NRXN1: variants seen among roughly 807,000 people sequenced by gnomAD.
The protein encoded by NRXN1 is neurexin-1.
NRXN1 carries 39 observed loss-of-function variants against 150.9 expected under a neutral mutation model. That is an observed-to-expected ratio of 0.26 (90% CI 0.20 to 0.34). The LOEUF (loss-of-function observed/expected upper bound fraction) is 0.34, where lower values mean the gene tolerates loss of function less well. Among genes scored for constraint, NRXN1 ranks in the 10% least tolerant of loss-of-function variants. NRXN1 has a pLI of 1.00. For synonymous variants in NRXN1, 924 were observed against 757.0 expected, an observed-to-expected ratio of 1.22 and a Z score of -3.62; for missense variants, 1,815 against 1,949.9, an observed-to-expected ratio of 0.93 and a Z score of 1.30.
chr2:51,028,279 G>C lies in NRXN1; in HGVS notation c.-6C>G. 1 of 1,435,010 alleles carries C rather than the reference G, an allele frequency of 7.0e-7. No individual in the cohort carries two copies. Among genetic ancestry groups the C allele is most frequent in the Middle Eastern group, 2.1e-4 (1 of 4,798 alleles). 88.9% of individuals were successfully genotyped at this position (1,435,010 alleles called of 1,614,324 possible). On this transcript the variant is annotated 5_prime_UTR_variant, in exon 2 of 23. Transcript: ENST00000401669. ...TGGAGCAGCGCCGTCCCCATGCTCGGGGCTGGGGTGCGGCGGGGGGGTGCC... is the reference window on the plus strand; with the variant it reads ...TGGAGCAGCGCCGTCCCCATGCTCGCGGCTGGGGTGCGGCGGGGGGGTGCC...
At chr2:50,735,600 T>C (rs1265438095) in intron 5 of NRXN1, among the ~76,000 whole-genome samples, 2 of 152,178 alleles carry the variant, frequency 1.3e-5, no homozygotes, top group African/African-American at 4.8e-5. Context: ...ATTGTTTGTC[T>C]TTTCTTTGCC....
At chr2:50,039,130 T>C (rs1690518519) in intron 21 of NRXN1, among the ~76,000 whole-genome samples, 1 of 151,666 alleles carries the variant, frequency 6.6e-6, no homozygotes, top group East Asian at 1.9e-4. Context: ...TGAGCTGAGA[T>C]TGCCCCACTG....
rs1252199189 is a variant in NRXN1, at chr2:50,516,413, T to C, written c.2375-9796A>G. 2.0e-5 allele frequency among the ~76,000 whole-genome samples: 3 copies of C among 152,324 alleles called. No homozygotes were observed. In the East Asian group the frequency reaches 5.8e-4, roughly 29 times the overall value. ...TTTTGATGCTTCCTTTAGTAGATTC[T>C]ACATTCAGGAATGAGCAGACAAGGC... is the stretch of plus-strand genomic sequence containing the variant. On this transcript the variant is annotated intron_variant, in intron 12 of 22. Transcript: ENST00000401669.
intron 21 of NRXN1, among the ~76,000 whole-genome samples, chr2:50,010,445 G>A (rs774997516): frequency 6.6e-6 from 1 of 152,098 alleles, no homozygotes; most frequent in Non-Finnish European, 1.5e-5. Flanking sequence ...ACGATAAGCA[G>A]ACCTAAATAC....
At chr2:50,037,944 C>T (rs1174553611) in intron 21 of NRXN1, among the ~76,000 whole-genome samples, 2 of 152,090 alleles carry the variant, frequency 1.3e-5, no homozygotes, top group African/African-American at 2.4e-5. Context: ...AGATTAATTG[C>T]GGCCATAGAA....
At chr2:50,803,979 A>T (rs1667177534) in intron 5 of NRXN1, among the ~76,000 whole-genome samples, 1 of 152,116 alleles carries the variant, frequency 6.6e-6, no homozygotes, top group Non-Finnish European at 1.5e-5. Flanking sequence ...ATTTTCCTTC[A>T]AATTCTCTCT....
intron 2 of NRXN1, chr2:51,026,545 A>G: frequency 1.0e-6 from 1 of 954,132 alleles, no homozygotes; most frequent in Non-Finnish European, 1.6e-6. Flanking sequence ...CAAGAACCAC[A>G]GAAATTACAA....
At chr2:50,701,675 A>T (rs1693763675) in intron 5 of NRXN1, among the ~76,000 whole-genome samples, 2 of 152,146 alleles carry the variant, frequency 1.3e-5, no homozygotes, top group Admixed American at 1.3e-4. Flanking sequence ...CTACTCATTC[A>T]GTATTTGCAT....
chr2:50,080,485 A>G (rs1004871087), intron 19 of NRXN1, among the ~76,000 whole-genome samples: 1 of 152,156 alleles, frequency 6.6e-6, no homozygotes, highest in East Asian at 1.9e-4. Context: ...ATTGATAGCA[A>G]TTTTTATCTT....
In NRXN1 at chr2:49,919,064, C is replaced by T. The variant is rs981012167; in HGVS notation, c.*2880G>A. The T allele has an allele frequency of 3.9e-5, 6 of 152,094 alleles. No individual in the cohort carries two copies. The highest frequency in any genetic ancestry group is 1.4e-4 in the African/African-American group (6 of 41,434). 9.4% of individuals were successfully genotyped at this position (152,094 alleles called of 1,614,324 possible). On this transcript the variant is annotated 3_prime_UTR_variant, in exon 23 of 23. Transcript: ENST00000401669. ...GATGTCTTAGGGATTGACCACTTCA[C>T]ACGTTATTGTAGTATTTGTTCTTTT...
chr2:50,369,561 A>G (rs918464142), intron 17 of NRXN1, among the ~76,000 whole-genome samples: 52 of 152,030 alleles, frequency 3.4e-4, no homozygotes, highest in African/African-American at 1.2e-3. Context: ...ATCGATGGAC[A>G]GCTACCTTAT....
intron 15 of NRXN1, among the ~76,000 whole-genome samples, chr2:50,472,795 TTGTGTGTGTGTGTG>T (rs113192574): frequency 1.4e-5 from 2 of 138,564 alleles, no homozygotes; most frequent in African/African-American, 5.8e-5. Context: ...CCCTACAGCC[TTGTGTGTGTGTGTG>T]TGTGTGTGTG....
chr2:50,421,676 A>G (rs2084010743), intron 17 of NRXN1, among the ~76,000 whole-genome samples: 1 of 152,160 alleles, frequency 6.6e-6, no homozygotes, highest in Admixed American at 6.6e-5. Context: ...GACATCACCC[A>G]TATGCACTAG....
At position 51,028,355 on chromosome 2, in the gene NRXN1, G is replaced by T. The variant is rs1486456082; in HGVS notation, c.-82C>A. 1.1e-6 allele frequency: 1 copy of T among 931,192 alleles called. No homozygotes were observed. Among genetic ancestry groups the T allele is most frequent in the South Asian group, 2.3e-5 (1 of 42,718 alleles). 57.7% of individuals were successfully genotyped at this position (931,192 alleles called of 1,614,324 possible). A position where few individuals can be genotyped will look rare whatever the true frequency, so the allele number is the denominator to read the frequency against. On this transcript the variant is annotated 5_prime_UTR_variant, in exon 2 of 23. Transcript: ENST00000401669. ...TGGACACCGTGACGAAGAAATAAGG[G>T]TCCCGAGAGACAGAAAGGTAAGGGG...
At chr2:50,788,458 C>G (rs902198791) in intron 5 of NRXN1, among the ~76,000 whole-genome samples, 1 of 152,048 alleles carries the variant, frequency 6.6e-6, no homozygotes, top group Non-Finnish European at 1.5e-5. Context: ...AACAATTCCA[C>G]ACAAAACTTG....
chr2:50,057,732 C>A (rs1427349448), intron 19 of NRXN1, among the ~76,000 whole-genome samples: 1 of 152,152 alleles, frequency 6.6e-6, no homozygotes, highest in Non-Finnish European at 1.5e-5. Context: ...CACATTCTTA[C>A]AACCTAACAA....
chr2:50,218,490 C>CTTTTTTTTTTTTTTTTTTTTTTTTTTTT (rs34919769), intron 18 of NRXN1, among the ~76,000 whole-genome samples: 1 of 136,758 alleles, frequency 7.3e-6, no homozygotes. Context: ...TTAGCACCTT[C>CTTTTTTTTTTTTTTTTTTTTTTTTTTTT]TTTTTTTTTT....
chr2:50,300,698 T>C (rs191657096), intron 17 of NRXN1, among the ~76,000 whole-genome samples: 1 of 152,082 alleles, frequency 6.6e-6, no homozygotes, highest in Admixed American at 6.6e-5. Context: ...GGCCATCTTG[T>C]TTTTGTTTTT....
intron 5 of NRXN1, among the ~76,000 whole-genome samples, chr2:50,797,263 A>G (rs1477040764): frequency 6.6e-6 from 1 of 152,172 alleles, no homozygotes; most frequent in Non-Finnish European, 1.5e-5. Flanking sequence ...TCTGTATCAT[A>G]GACAAGATAT....
Sources: gnomAD v4.1 joint callset for allele counts (sites outside exome capture counted in the v4.1 genomes callset) on GRCh38, gnomAD v4.1.1 for gene constraint, MANE v1.5 for transcripts, NCBI Gene and HGNC (gene_info 2026-07-23, HGNC 2026-07-21) for gene names.